PREX2: variants seen among roughly 807,000 people sequenced by gnomAD.
PREX2 encodes phosphatidylinositol-3,4,5-trisphosphate dependent Rac exchange factor 2, also known as phosphatidylinositol 3,4,5-trisphosphate-dependent Rac exchanger 2 protein.
A neutral mutation model predicts 203.2 loss-of-function variants in PREX2; 107 were observed. The observed-to-expected ratio is 0.53, with a 90% CI of 0.45 to 0.62. PREX2 has a LOEUF of 0.62. Among genes scored for constraint, PREX2 ranks in the 20% least tolerant of loss-of-function variants. PREX2 has a pLI of 0.00. For missense variants in PREX2, 1,777 were observed against 1,955.9 expected (o/e 0.91, Z 1.72); for synonymous variants, 672 against 663.6 (o/e 1.01, Z -0.19).
intron 1 of PREX2, among the ~76,000 whole-genome samples, chr8:68,010,754 C>A (rs570581075): frequency 1.6e-4 from 24 of 152,190 alleles, no homozygotes; most frequent in African/African-American, 5.8e-4. Context: ...TGTTTGAGTG[C>A]GTATTTCTAG....
intron 1 of PREX2, among the ~76,000 whole-genome samples, chr8:67,966,236 G>A (rs1805774597): frequency 6.6e-6 from 1 of 152,026 alleles, no homozygotes; most frequent in Non-Finnish European, 1.5e-5. Context: ...TAGGATATTT[G>A]AATAAATTTT....
At chr8:68,001,544 C>T (rs1743012617) in intron 1 of PREX2, among the ~76,000 whole-genome samples, 1 of 152,100 alleles carries the variant, frequency 6.6e-6, no homozygotes, top group Non-Finnish European at 1.5e-5. Context: ...GGCAGTTCCT[C>T]AAAGAGCTAA....
intron 19 of PREX2, among the ~76,000 whole-genome samples, chr8:68,089,781 C>T (rs1809812440): frequency 6.6e-6 from 1 of 152,042 alleles, no homozygotes; most frequent in South Asian, 2.1e-4. Context: ...AAGAAGTCTC[C>T]TCTAATATAT....
At chr8:68,164,853 A>G (rs1016105515) in intron 35 of PREX2, among the ~76,000 whole-genome samples, 26 of 145,790 alleles carry the variant, frequency 1.8e-4, no homozygotes, top group African/African-American at 6.6e-4. Flanking sequence ...AAATTCTGGG[A>G]TTACAGGTGT....
chr8:68,149,255 C>T (rs953062205), intron 34 of PREX2, among the ~76,000 whole-genome samples: 1 of 152,150 alleles, frequency 6.6e-6, no homozygotes, highest in South Asian at 2.1e-4. Flanking sequence ...GATGGGGCAT[C>T]CTTCAGAGAT....
intron 11 of PREX2, among the ~76,000 whole-genome samples, chr8:68,065,433 T>TG (rs1364550956): frequency 5.9e-5 from 9 of 152,180 alleles, no homozygotes; most frequent in Admixed American, 3.3e-4. Context: ...TGACTTGGCT[T>TG]GGGGAAAAGA....
chr8:68,109,600 G>A lies in PREX2; in HGVS notation c.3123G>A (p.Glu1041=). The change falls in exon 25 of 40, where the codon GAG becomes GAA. Residue 1041 remains glutamate (E), a synonymous_variant. Coordinates refer to ENST00000288368, the MANE Select transcript of PREX2 (RefSeq NM_024870.4). Reference sequence around the variant, plus strand: ...TTCAGACTGCACTGAAAGAGGTGGAGATGTGTGTTTGTCAAATAGATGAGT... The same window carrying A: ...TTCAGACTGCACTGAAAGAGGTGGAAATGTGTGTTTGTCAAATAGATGAGT... ...GKLQTALKEV[E]MCVCQIDDLL... 1 of 1,613,906 alleles carries A rather than the reference G, an allele frequency of 6.2e-7. No homozygotes were observed. Among genetic ancestry groups the A allele is most frequent in the Non-Finnish European group, 8.5e-7 (1 of 1,179,826 alleles).
intron 14 of PREX2, among the ~76,000 whole-genome samples, chr8:68,076,977 G>A (rs1809372312): frequency 6.6e-6 from 1 of 152,148 alleles, no homozygotes; most frequent in Non-Finnish European, 1.5e-5. Flanking sequence ...AGGCCATTTG[G>A]TGGAAGGGAA....
chr8:68,145,432 A>G (rs1811306850), intron 33 of PREX2, among the ~76,000 whole-genome samples: 1 of 152,182 alleles, frequency 6.6e-6, no homozygotes, highest in South Asian at 2.1e-4. Context: ...GTCAGAAGTT[A>G]TAAATACTGA....
chr8:68,077,379 TG>T lies in PREX2; in HGVS notation c.1570-17del. 6.2e-7 allele frequency: 1 copy of T among 1,604,662 alleles called. No homozygotes were observed. Among genetic ancestry groups the T allele is most frequent in the Non-Finnish European group, 8.5e-7 (1 of 1,171,388 alleles). ...TTTAGTTGCCTATTAACTCCCACAGTGCTTTTTTGGTTAACAGGGAGATTGC... is the reference window on the plus strand; with the variant it reads ...TTTAGTTGCCTATTAACTCCCACAGTCTTTTTTGGTTAACAGGGAGATTGC... On this transcript the variant is annotated splice_polypyrimidine_tract_variant and intron_variant, in intron 14 of 39. Transcript: ENST00000288368.
chr8:68,045,942 G>C (rs973229202), intron 8 of PREX2, among the ~76,000 whole-genome samples: 3 of 150,574 alleles, frequency 2.0e-5, no homozygotes, highest in African/African-American at 7.3e-5. Flanking sequence ...AACATGCTAA[G>C]AGCTGTCTTG....
chr8:68,056,299 G>T (rs1808679267), intron 10 of PREX2, among the ~76,000 whole-genome samples: 1 of 152,176 alleles, frequency 6.6e-6, no homozygotes, highest in Non-Finnish European at 1.5e-5. Context: ...TGACTGGTTG[G>T]GCACAGACAT....
At position 67,994,647 on chromosome 8, in the gene PREX2, A is replaced by G. The variant is rs183046390; in HGVS notation, c.142-23199A>G. On this transcript the variant is annotated intron_variant, in intron 1 of 39. Transcript: ENST00000288368. Reference sequence around the variant, plus strand: ...TAAACAGGCCTTGTTAAGCATCTATATAATATGTAATGAATCTAGTCCTTT... The same window carrying G: ...TAAACAGGCCTTGTTAAGCATCTATGTAATATGTAATGAATCTAGTCCTTT... 6.0e-4 allele frequency among the ~76,000 whole-genome samples: 91 copies of G among 152,328 alleles called. 1 individual carries two copies. The highest frequency in any genetic ancestry group is 3.4e-3 in the Middle Eastern group (1 of 294).
rs1811997173 is a variant in PREX2 at position 68,177,194 on chromosome 8, A to ATC, written c.4347-14527_4347-14526insCT. ...TCAGGTCTGTTTTACTATGCCTTGA[A>ATC]TGCTACCAGATTCTGTAGGCAGTTA... On this transcript the variant is annotated intron_variant, in intron 35 of 39. Transcript: ENST00000288368. 6 of 152,400 alleles carry ATC rather than the reference A, an allele frequency of 3.9e-5. No homozygotes were observed. In the South Asian group the frequency reaches 1.2e-3, roughly 32 times the overall value. The allele number at this position is 152,400 out of a possible 1,614,324, so 9.4% of individuals were successfully genotyped here.
intron 37 of PREX2, among the ~76,000 whole-genome samples, chr8:68,194,758 G>A (rs1812362981): frequency 6.6e-6 from 1 of 151,382 alleles, no homozygotes; most frequent in African/African-American, 2.4e-5. Flanking sequence ...CGGAGATCAT[G>A]TCACTGCACT....
At chr8:68,031,272 T>A (rs1807874687) in intron 6 of PREX2, among the ~76,000 whole-genome samples, 1 of 152,182 alleles carries the variant, frequency 6.6e-6, no homozygotes, top group African/African-American at 2.4e-5. Flanking sequence ...GTTGGAGTCC[T>A]ATGTTACTTT....
chr8:68,002,955 T>C (rs1207499855), intron 1 of PREX2, among the ~76,000 whole-genome samples: 2 of 152,162 alleles, frequency 1.3e-5, no homozygotes, highest in African/African-American at 2.4e-5. Context: ...TATTTCAATA[T>C]TGTACAGGGG....
chr8:67,966,578 A>G (rs958764097), intron 1 of PREX2, among the ~76,000 whole-genome samples: 2 of 152,194 alleles, frequency 1.3e-5, no homozygotes, highest in African/African-American at 4.8e-5. Flanking sequence ...CCTGGGCAAC[A>G]TGGTGAGACC....
At chr8:67,972,290 A>G (rs1013935398) in intron 1 of PREX2, among the ~76,000 whole-genome samples, 6 of 152,228 alleles carry the variant, frequency 3.9e-5, no homozygotes, top group Non-Finnish European at 5.9e-5. Context: ...AGTAAGGAAC[A>G]AAAGTGTAAC....
Sources: gnomAD v4.1 joint callset for allele counts (sites outside exome capture counted in the v4.1 genomes callset) on GRCh38, gnomAD v4.1.1 for gene constraint, MANE v1.5 for transcripts, NCBI Gene and HGNC (gene_info 2026-07-23, HGNC 2026-07-21) for gene names.